Variants in SCN1A observed in about 807,000 individuals in gnomAD.
SCN1A encodes sodium channel protein type 1 subunit alpha.
A neutral mutation model predicts 193.7 loss-of-function variants in SCN1A; 13 were observed. The observed-to-expected ratio is 0.07, with a 90% CI of 0.04 to 0.11. The LOEUF is 0.11. Ranked by LOEUF, SCN1A falls within the 10% of genes least tolerant of loss-of-function variation. The pLI is 1.00. For synonymous variants in SCN1A, 781 were observed against 843.6 expected, an observed-to-expected ratio of 0.93 and a Z score of 1.29; for missense variants, 1,432 against 2,451.1, an observed-to-expected ratio of 0.58 and a Z score of 8.78.
chr2:166,108,299 C>A (rs754731008), intron 2 of SCN1A, among the ~76,000 whole-genome samples: 5 of 151,864 alleles, frequency 3.3e-5, no homozygotes, highest in Admixed American at 1.3e-4. Context: ...ATAAAAAAAA[C>A]AGATAATCAC....
chr2:166,057,414 G>T (rs768833698), intron 5 of SCN1A, among the ~76,000 whole-genome samples: 9 of 151,838 alleles, frequency 5.9e-5, no homozygotes, highest in Non-Finnish European at 4.4e-5. Context: ...GGGAAATAAG[G>T]CCTTACTAAG....
In SCN1A at chr2:165,994,293, C is replaced by T; in HGVS notation, c.4705G>A (p.Val1569Met). 1 of 1,613,226 alleles carries T rather than the reference C, an allele frequency of 6.2e-7. No homozygotes were observed. Among genetic ancestry groups the T allele is most frequent in the Non-Finnish European group, 8.5e-7 (1 of 1,179,510 alleles). Reference protein sequence around the residue: ...MVETDDQSEYVTTILSRINLV... With the variant: ...MVETDDQSEYMTTILSRINLV... Reference sequence around the variant, plus strand: ...TTGATGCGTGACAAAATGGTAGTCACATATTCACTCTGGTCATCTGTTTCC... The same window carrying T: ...TTGATGCGTGACAAAATGGTAGTCATATATTCACTCTGGTCATCTGTTTCC... Residue 1569 changes from valine (V) to methionine (M), a missense_variant, in exon 28 of 29, where the codon GTG becomes ATG. Coordinates refer to ENST00000674923, the MANE Select transcript of SCN1A (RefSeq NM_001165963.4).
Position 166,042,436 on chromosome 2 carries a change from A to G in SCN1A, c.2044-12T>C. 6.2e-7 allele frequency: 1 copy of G among 1,613,300 alleles called. No homozygotes were observed. On this transcript the variant is annotated splice_polypyrimidine_tract_variant and intron_variant, in intron 14 of 28. Transcript: ENST00000674923. ...TCAGTGGTTGTTCCCTGTAAAAAAA[A>G]ATGCTAATGCATTAAACAATTAATT...
At chr2:166,143,405 A>C (rs963758752) in intron 1 of SCN1A, among the ~76,000 whole-genome samples, 4 of 151,978 alleles carry the variant, frequency 2.6e-5, no homozygotes, top group Non-Finnish European at 5.9e-5. Context: ...TGACCTCATG[A>C]TCTGCCCACC....
intron 2 of SCN1A, among the ~76,000 whole-genome samples, chr2:166,121,610 A>C (rs1690603874): frequency 1.3e-5 from 2 of 152,170 alleles, no homozygotes; most frequent in South Asian, 4.1e-4. Flanking sequence ...TTAGAATCTT[A>C]ACACATACAC....
chr2:166,026,934 C>T (rs1012902499), intron 19 of SCN1A, among the ~76,000 whole-genome samples: 1 of 151,970 alleles, frequency 6.6e-6, no homozygotes, highest in Non-Finnish European at 1.5e-5. Context: ...TCGCCCGCCT[C>T]GGCCTCCCGG....
intron 28 of SCN1A, 177 bp downstream of exon 28, chr2:165,993,969 A>G (rs1689644332): frequency 9.7e-6 from 6 of 618,224 alleles, no homozygotes; most frequent in Non-Finnish European, 1.4e-5. Flanking sequence ...AGAATAAGAA[A>G]CAATACTGAC....
chr2:166,138,662 A>G (rs1691959848), intron 1 of SCN1A, among the ~76,000 whole-genome samples: 2 of 152,174 alleles, frequency 1.3e-5, no homozygotes, highest in South Asian at 4.1e-4. Flanking sequence ...CTCATGGAGA[A>G]CCTCTGTTAA....
In SCN1A at chr2:166,143,760, A is replaced by C. The variant is rs535123974; in HGVS notation, c.-50+5287T>G. Among the ~76,000 whole-genome samples the C allele has an allele frequency of 1.6e-3, 246 of 152,306 alleles. 2 individuals are homozygous for C. Among genetic ancestry groups the C allele is most frequent in the Non-Finnish European group, 2.6e-3 (180 of 68,016 alleles). ...AAGAATTTACCTTACTTTGGTAAAAATTTGTTTGGCTTTATGTGGAGGTTT... is the reference window on the plus strand; with the variant it reads ...AAGAATTTACCTTACTTTGGTAAAACTTTGTTTGGCTTTATGTGGAGGTTT... On this transcript the variant is annotated intron_variant, in intron 1 of 26. Transcript: ENST00000635750.
chr2:166,059,346 A>G (rs1415285529), intron 4 of SCN1A: 1 of 152,204 alleles, frequency 6.6e-6, no homozygotes, highest in Non-Finnish European at 1.5e-5. Context: ...GTTAGCTGAC[A>G]TATTGAATTC....
intron 2 of SCN1A, among the ~76,000 whole-genome samples, chr2:166,119,844 G>A (rs186996653): frequency 3.3e-5 from 5 of 152,062 alleles, no homozygotes; most frequent in Admixed American, 2.0e-4. Context: ...GATACAATGA[G>A]TATCTTTGCA....
chr2:165,999,936 A>G (rs1323505872), intron 24 of SCN1A, 160 bp from the exon 25 acceptor site: 5 of 669,282 alleles, frequency 7.5e-6, no homozygotes, highest in Non-Finnish European at 1.3e-5. Context: ...GTATTTTAGT[A>G]TGGCTTTTCA....
intron 4 of SCN1A, among the ~76,000 whole-genome samples, chr2:166,064,888 A>G (rs1220232988): frequency 6.6e-6 from 1 of 152,228 alleles, no homozygotes; most frequent in Non-Finnish European, 1.5e-5. Flanking sequence ...ATGATGATGA[A>G]CAATACACAA....
intron 2 of SCN1A, among the ~76,000 whole-genome samples, chr2:166,112,019 G>A (rs1436457133): frequency 6.6e-6 from 1 of 152,158 alleles, no homozygotes; most frequent in African/African-American, 2.4e-5. Context: ...TGAGGACATT[G>A]TTGAAATGAC....
At chr2:166,005,402 T>C (rs750171721) in intron 23 of SCN1A, among the ~76,000 whole-genome samples, 33 of 151,182 alleles carry the variant, frequency 2.2e-4, no homozygotes, top group Non-Finnish European at 4.4e-4. Flanking sequence ...GTTTGAGAGG[T>C]TTACTTTGAA....
chr2:166,146,266 C>G (rs562180675), intron 1 of SCN1A, among the ~76,000 whole-genome samples: 1 of 152,096 alleles, frequency 6.6e-6, no homozygotes, highest in East Asian at 1.9e-4. Context: ...ACCAATAGAT[C>G]GTCACCTAGA....
At chr2:166,065,236 A>G (rs1376575565) in intron 4 of SCN1A, among the ~76,000 whole-genome samples, 1 of 152,164 alleles carries the variant, frequency 6.6e-6, no homozygotes, top group Non-Finnish European at 1.5e-5. Flanking sequence ...CAGAAGTGCT[A>G]TTAAGTTTTT....
intron 19 of SCN1A, among the ~76,000 whole-genome samples, chr2:166,030,347 TA>T (rs1574138180): frequency 6.6e-6 from 1 of 152,234 alleles, no homozygotes; most frequent in East Asian, 1.9e-4. Flanking sequence ...TGCCCTCCAA[TA>T]GTACTTTGTC....
chr2:166,019,820 G>A (rs1329114438), intron 19 of SCN1A, among the ~76,000 whole-genome samples: 2 of 151,988 alleles, frequency 1.3e-5, no homozygotes, highest in African/African-American at 4.8e-5. Context: ...ATTAGTGATG[G>A]ATGAAGTTTT....
Sources: gnomAD v4.1 joint callset for allele counts (sites outside exome capture counted in the v4.1 genomes callset) on GRCh38, gnomAD v4.1.1 for gene constraint, MANE v1.5 for transcripts, NCBI Gene and HGNC (gene_info 2026-07-23, HGNC 2026-07-21) for gene names.